The following CD46 variants were observed in gnomAD, a reference collection of about 807,000 sequenced individuals.
CD46 encodes CD46 molecule.
CD46 carries 30 observed loss-of-function variants against 53.3 expected under a neutral mutation model. That is an observed-to-expected ratio of 0.56 (90% CI 0.42 to 0.76). The LOEUF is 0.76. CD46 is among the 30% of genes least tolerant of loss of function. The probability of loss-of-function intolerance (pLI) is 0.00; values close to 1 mark genes in which losing one functional copy is unlikely to be tolerated. For missense variants in CD46, 409 were observed against 463.0 expected, an observed-to-expected ratio of 0.88 and a Z score of 1.07; for synonymous variants, 142 against 152.0, an observed-to-expected ratio of 0.93 and a Z score of 0.48.
chr1:207,770,025 C>T (rs1657307105), intron 7 of CD46: 2 of 332,430 alleles, frequency 6.0e-6, no homozygotes, highest in Non-Finnish European at 1.1e-5. Flanking sequence ...CTCGGCCTCC[C>T]ACAGTGCTGG....
At chr1:207,784,320 CA>C (rs1343584585) in intron 9 of CD46, among the ~76,000 whole-genome samples, 1 of 152,062 alleles carries the variant, frequency 6.6e-6, no homozygotes, top group Non-Finnish European at 1.5e-5. Context: ...AAATGTCTAC[CA>C]AAATAAGAAA....
At chr1:207,786,780 C>T (rs1659306906) in intron 11 of CD46, among the ~76,000 whole-genome samples, 1 of 152,170 alleles carries the variant, frequency 6.6e-6, no homozygotes, top group Non-Finnish European at 1.5e-5. Flanking sequence ...AATCCCTTCA[C>T]TTGAATCTTA....
At position 207,752,417 on chromosome 1, in the gene CD46, A is replaced by T; in HGVS notation, c.97+108A>T. The T allele has an allele frequency of 9.3e-7, 1 of 1,077,284 alleles. No individual in the cohort carries two copies. The highest frequency in any genetic ancestry group is 1.4e-6 in the Non-Finnish European group (1 of 699,708). 66.7% of individuals were successfully genotyped at this position (1,077,284 alleles called of 1,614,324 possible). A position where few individuals can be genotyped will look rare whatever the true frequency, so the allele number is the denominator to read the frequency against. ...CAGCAGGCCGTGCCTGTTTGGGGAC[A>T]GGGTTCTCTGAGGGGTGCAGTGCTC... On this transcript the variant is annotated intron_variant, in intron 1 of 12. Transcript: ENST00000367042. The surrounding 1 kb of genome is among the most constrained non-coding windows in gnomAD (Gnocchi z 4.1).
chr1:207,770,189 T>G lies in CD46; in HGVS notation c.902-132T>G, dbSNP rs1420082023. ...TATATATGTAGGTTAAATTCTAAGA[T>G]GTGGAATTGCAAAGTTTGTAAAGTG... On this transcript the variant is annotated intron_variant, in intron 7 of 12. Coordinates refer to ENST00000367042, the MANE Select transcript of CD46 (RefSeq NM_172351.3). 5.6e-6 allele frequency: 4 copies of G among 717,386 alleles called. 1 individual carries two copies. In the South Asian group the frequency reaches 6.3e-5, roughly 11 times the overall value. The allele number at this position is 717,386 out of a possible 1,614,324, so 44.4% of individuals were successfully genotyped here.
chr1:207,758,013 TC>T (rs41317057), intron 3 of CD46, among the ~76,000 whole-genome samples: 11 of 152,334 alleles, frequency 7.2e-5, no homozygotes, highest in African/African-American at 2.6e-4. Context: ...TACACTTGTA[TC>T]CAGATGACTC....
At chr1:207,785,533 A>G (rs1659187555) in intron 10 of CD46, 86 bp from the exon 11 acceptor site, 3 of 955,878 alleles carry the variant, frequency 3.1e-6, no homozygotes, top group Non-Finnish European at 5.2e-6. Context: ...CTGAAATGTA[A>G]CCAACATTTA....
At chr1:207,767,935 A>C (rs1310654527) in intron 7 of CD46, 112 bp downstream of exon 7, 2 of 875,018 alleles carry the variant, frequency 2.3e-6, no homozygotes, top group Non-Finnish European at 3.8e-6. Context: ...TAATGAAAGG[A>C]GGGAGGACAT....
At chr1:207,785,933 G>T in intron 11 of CD46, 1 of 406,086 alleles carries the variant, frequency 2.5e-6, no homozygotes, top group Non-Finnish European at 4.5e-6. Flanking sequence ...AATTTCTTTT[G>T]GATTTGAGGT....
At chr1:207,790,941 G>A (rs1485552861) in intron 12 of CD46, among the ~76,000 whole-genome samples, 3 of 152,194 alleles carry the variant, frequency 2.0e-5, no homozygotes, top group African/African-American at 4.8e-5. Flanking sequence ...TCCTCTGTTT[G>A]TGCTAGAATG....
intron 8 of CD46, among the ~76,000 whole-genome samples, chr1:207,778,323 C>T (rs936028013): frequency 2.6e-5 from 4 of 152,104 alleles, no homozygotes; most frequent in East Asian, 1.9e-4. Flanking sequence ...GCTTGTGTTG[C>T]GATTGTTTTT....
At chr1:207,775,552 G>T (rs1658001978) in intron 8 of CD46, among the ~76,000 whole-genome samples, 1 of 152,170 alleles carries the variant, frequency 6.6e-6, no homozygotes, top group Admixed American at 6.5e-5. Flanking sequence ...TGGTGTGGAT[G>T]TCCTTTTTGT....
intron 7 of CD46, chr1:207,769,852 T>C: frequency 1.2e-5 from 2 of 164,854 alleles, no homozygotes; most frequent in Non-Finnish European, 2.6e-5. Flanking sequence ...AACCTCCGCC[T>C]CCCGGGTTCA....
intron 5 of CD46, among the ~76,000 whole-genome samples, chr1:207,764,122 C>T (rs1656573485): frequency 6.6e-6 from 1 of 152,092 alleles, no homozygotes; most frequent in African/African-American, 2.4e-5. Context: ...ACCTCAGATC[C>T]CCTCAGGTGG....
intron 7 of CD46, chr1:207,768,054 T>TTA (rs1042277680): frequency 8.7e-5 from 44 of 504,144 alleles, no homozygotes; most frequent in African/African-American, 4.3e-4. Flanking sequence ...TTGAATGTGT[T>TTA]TATATATATA....
intron 6 of CD46, 23 bp downstream of exon 6, chr1:207,767,218 G>C (rs1432669865): frequency 1.3e-6 from 2 of 1,593,862 alleles, no homozygotes; most frequent in Admixed American, 1.7e-5. Context: ...TCTTTTTTCT[G>C]TCTTGGTTTG....
At chr1:207,780,211 C>G (rs1658599713) in intron 8 of CD46, among the ~76,000 whole-genome samples, 1 of 151,918 alleles carries the variant, frequency 6.6e-6, no homozygotes, top group Non-Finnish European at 1.5e-5. Context: ...CCACTATCTA[C>G]TTTTTGTCTC....
rs11345183 is a variant in CD46, at chr1:207,763,955, CTT to C, written c.673+2525_673+2526del. On this transcript the variant is annotated intron_variant, in intron 5 of 12. Transcript: ENST00000367042. ...GGGGAAAACACACACAGCTGCTACA[CTT>C]TTTTTTTTTTTTTTTGTCATTGGAA... Among the ~76,000 whole-genome samples, 641 of 126,524 alleles carry C rather than the reference CTT, an allele frequency of 5.1e-3. 1 individual carries two copies. Among genetic ancestry groups the C allele is most frequent in the East Asian group, 0.023 (97 of 4,150 alleles). The allele number at this position is 126,524 out of a possible 152,430, so 83.0% of individuals were successfully genotyped here. A position where few individuals can be genotyped will look rare whatever the true frequency, so the allele number is the denominator to read the frequency against.
intron 8 of CD46, among the ~76,000 whole-genome samples, chr1:207,779,934 C>CTTTTTTTTTTTTTTTTTTTT (rs1571665179): frequency 5.2e-4 from 14 of 27,128 alleles, no homozygotes; most frequent in East Asian, 1.8e-3. Flanking sequence ...TTTTTTTTTA[C>CTTTTTTTTTTTTTTTTTTTT]TGTAGTACTA....
chr1:207,752,404 C>A lies in CD46; in HGVS notation c.97+95C>A. 8.4e-7 allele frequency: 1 copy of A among 1,184,444 alleles called. No individual in the cohort carries two copies. Among genetic ancestry groups the A allele is most frequent in the Non-Finnish European group, 1.3e-6 (1 of 795,514 alleles). The allele number at this position is 1,184,444 out of a possible 1,614,324, so 73.4% of individuals were successfully genotyped here. On this transcript the variant is annotated intron_variant, in intron 1 of 12. Coordinates refer to ENST00000367042, the MANE Select transcript of CD46 (RefSeq NM_172351.3). The surrounding 1 kb of genome is among the most constrained non-coding windows in gnomAD (Gnocchi z 4.1). ...GGGGCGGGGCTCACAGCAGGCCGTG[C>A]CTGTTTGGGGACAGGGTTCTCTGAG...
Sources: gnomAD v4.1 joint callset for allele counts (sites outside exome capture counted in the v4.1 genomes callset) on GRCh38, gnomAD v4.1.1 for gene constraint, Gnocchi (gnomAD v3.1) non-coding constraint, MANE v1.5 for transcripts, NCBI Gene and HGNC (gene_info 2026-07-23, HGNC 2026-07-21) for gene names.